The following AK9 variants were observed in gnomAD, a reference collection of about 807,000 sequenced individuals.
AK9 encodes adenylate kinase 9.
Under a neutral mutation model 239.6 loss-of-function variants are expected in AK9, and 191 were observed. That is an observed-to-expected ratio of 0.80 (90% CI 0.71 to 0.90). The LOEUF (loss-of-function observed/expected upper bound fraction) is 0.90, where lower values mean the gene tolerates loss of function less well. Among genes scored for constraint, AK9 ranks in the 40% least tolerant of loss-of-function variants. The pLI is 0.00. For synonymous variants in AK9, 689 were observed against 721.0 expected, an observed-to-expected ratio of 0.96 and a Z score of 0.71; for missense variants, 1,995 against 2,214.7, an observed-to-expected ratio of 0.90 and a Z score of 1.99.
chr6:109,594,861 A>C (rs1177140186), intron 17 of AK9, among the ~76,000 whole-genome samples: 3 of 152,228 alleles, frequency 2.0e-5, no homozygotes, highest in African/African-American at 7.2e-5. Context: ...AATTAACTCA[A>C]GATGAATTAA....
At chr6:109,542,871 T>C (rs1427128401) in intron 26 of AK9, among the ~76,000 whole-genome samples, 4 of 152,192 alleles carry the variant, frequency 2.6e-5, no homozygotes, top group Admixed American at 2.6e-4. Flanking sequence ...ACAGCTAAGA[T>C]AAATTATAAG....
At position 109,649,889 on chromosome 6, in the gene AK9, A is replaced by G. The variant is rs867253905; in HGVS notation, c.760-5201T>C. ...GTGGTACTGGTACCAAAACAGAGATATAGACCAATGGAACAGAACAGAGGC... is the reference window on the plus strand; with the variant it reads ...GTGGTACTGGTACCAAAACAGAGATGTAGACCAATGGAACAGAACAGAGGC... On this transcript the variant is annotated intron_variant, in intron 8 of 40. Transcript: ENST00000424296. Among the ~76,000 whole-genome samples, 1,187 of 152,274 alleles carry G rather than the reference A, an allele frequency of 7.8e-3. 22 individuals carry two copies. The highest frequency in any genetic ancestry group is 0.025 in the African/African-American group (1,048 of 41,518).
At chr6:109,583,041 G>T (rs1040302529) in intron 19 of AK9, among the ~76,000 whole-genome samples, 1 of 152,126 alleles carries the variant, frequency 6.6e-6, no homozygotes, top group Non-Finnish European at 1.5e-5. Context: ...TAATGCTATT[G>T]CACACTTAAT....
intron 8 of AK9, among the ~76,000 whole-genome samples, chr6:109,648,893 AT>A (rs1798496748): frequency 1.3e-5 from 2 of 152,236 alleles, no homozygotes; most frequent in African/African-American, 2.4e-5. Context: ...TTTATCCACC[AT>A]GATCAAGTGG....
At chr6:109,621,122 C>G (rs1370907102) in intron 12 of AK9, among the ~76,000 whole-genome samples, 2 of 143,776 alleles carry the variant, frequency 1.4e-5, no homozygotes, top group Admixed American at 1.4e-4. Context: ...ATTTATGCAG[C>G]CAAAAAACAC....
At position 109,516,678 on chromosome 6, in the gene AK9, A is replaced by G. The variant is rs1298892527; in HGVS notation, c.3634-36T>C. The stretch of plus-strand genomic sequence containing the variant: ...AAATATTCCCTTTTACTATACATAT[A>G]AAATATGTAACAAAAGACACTATTA... On this transcript the variant is annotated intron_variant, in intron 29 of 40. Transcript: ENST00000424296. 11 of 1,458,830 alleles carry G rather than the reference A, an allele frequency of 7.5e-6. No individual in the cohort carries two copies. In the East Asian group the frequency reaches 9.9e-5, roughly 13 times the overall value. 90.4% of individuals were successfully genotyped at this position (1,458,830 alleles called of 1,614,324 possible).
intron 2 of AK9, among the ~76,000 whole-genome samples, chr6:109,674,629 A>G (rs138342099): frequency 1.8e-3 from 275 of 152,340 alleles, no homozygotes; most frequent in Admixed American, 4.2e-3. Flanking sequence ...GTTCATAATC[A>G]TGAATGTTTT....
In AK9 at chr6:109,576,228, G is replaced by A. The variant is rs544822775; in HGVS notation, c.2192-2634C>T. Among the ~76,000 whole-genome samples, 12 of 151,786 alleles carry A rather than the reference G, an allele frequency of 7.9e-5. No individual in the cohort carries two copies. In the South Asian group the frequency reaches 1.2e-3, roughly 16 times the overall value. ...GAAGAATAATGATGGTATTTTGATG[G>A]GAATTGCATTGGATTTGTAGATTGC... On this transcript the variant is annotated intron_variant, in intron 20 of 40. Transcript: ENST00000424296.
At chr6:109,675,885 T>A (rs774535100) in intron 1 of AK9, 129 bp from the exon 2 acceptor site, 25 of 525,054 alleles carry the variant, frequency 4.8e-5, no homozygotes, top group Non-Finnish European at 8.1e-5. Context: ...ACATGAATTT[T>A]GTCAGTAATT....
intron 20 of AK9, among the ~76,000 whole-genome samples, chr6:109,577,200 G>T (rs140002948): frequency 6.6e-6 from 1 of 152,028 alleles, no homozygotes; most frequent in South Asian, 2.1e-4. Context: ...AATCATAAAG[G>T]GGTGCTGGAT....
chr6:109,687,755 T>C (rs1251130431), intron 1 of AK9, among the ~76,000 whole-genome samples: 1 of 152,242 alleles, frequency 6.6e-6, no homozygotes, highest in Non-Finnish European at 1.5e-5. Context: ...AGGTGAGTGA[T>C]GCCAGGGCTC....
chr6:109,657,116 C>G (rs528118884), intron 7 of AK9, among the ~76,000 whole-genome samples: 5 of 152,160 alleles, frequency 3.3e-5, no homozygotes, highest in Admixed American at 2.6e-4. Flanking sequence ...CTGTTTGTTC[C>G]CCAATAAGTA....
At chr6:109,510,131 C>T (rs536677745) in intron 32 of AK9, among the ~76,000 whole-genome samples, 28 of 152,044 alleles carry the variant, frequency 1.8e-4, no homozygotes, top group Non-Finnish European at 3.4e-4. Context: ...GCTGGGATGC[C>T]GGTCTGTGGA....
intron 16 of AK9, among the ~76,000 whole-genome samples, chr6:109,611,317 G>C (rs1793552374): frequency 6.6e-6 from 1 of 152,158 alleles, no homozygotes; most frequent in Non-Finnish European, 1.5e-5. Context: ...GAGCAGAAAA[G>C]TCAAGAACCC....
chr6:109,553,039 T>C (rs1307399354), intron 24 of AK9, among the ~76,000 whole-genome samples: 1 of 152,072 alleles, frequency 6.6e-6, no homozygotes, highest in Non-Finnish European at 1.5e-5. Context: ...ATTTCTGAGG[T>C]CTCTGTTCTA....
intron 29 of AK9, 83 bp from the exon 30 acceptor site, chr6:109,516,725 G>A: frequency 1.7e-5 from 20 of 1,209,902 alleles, no homozygotes; most frequent in Non-Finnish European, 2.3e-5. Context: ...GGAATATTTT[G>A]TAATGGCTCG....
At chr6:109,587,774 T>C (rs1789704021) in intron 17 of AK9, among the ~76,000 whole-genome samples, 1 of 152,224 alleles carries the variant, frequency 6.6e-6, no homozygotes, top group Non-Finnish European at 1.5e-5. Context: ...GGTGTCTTTT[T>C]GATAAAAAGG....
At chr6:109,668,289 G>C (rs1204999123) in intron 5 of AK9, among the ~76,000 whole-genome samples, 5 of 151,666 alleles carry the variant, frequency 3.3e-5, no homozygotes, top group Admixed American at 1.3e-4. Flanking sequence ...TGTAGATTCT[G>C]GATATTGGCC....
chr6:109,525,194 T>C (rs1780331822), intron 29 of AK9, among the ~76,000 whole-genome samples: 1 of 152,226 alleles, frequency 6.6e-6, no homozygotes, highest in South Asian at 2.1e-4. Context: ...GCTTTATTTC[T>C]GAGTTCCATT....
Sources: gnomAD v4.1 joint callset for allele counts (sites outside exome capture counted in the v4.1 genomes callset) on GRCh38, gnomAD v4.1.1 for gene constraint, MANE v1.5 for transcripts, NCBI Gene and HGNC (gene_info 2026-07-23, HGNC 2026-07-21) for gene names.